EXOC6B: variants seen among roughly 807,000 people sequenced by gnomAD.
The protein encoded by EXOC6B is SEC15 homolog B.
Under a neutral mutation model 113.5 loss-of-function variants are expected in EXOC6B, and 54 were observed. The observed-to-expected ratio is 0.48, with a 90% CI of 0.38 to 0.60. The LOEUF (loss-of-function observed/expected upper bound fraction) is 0.60. Ranked by LOEUF, EXOC6B falls within the 20% of genes least tolerant of loss-of-function variation. The pLI, the probability that EXOC6B is intolerant of heterozygous loss-of-function variation, is 0.00. For synonymous variants in EXOC6B, 357 were observed against 339.0 expected, an observed-to-expected ratio of 1.05 and a Z score of -0.58; for missense variants, 797 against 977.5, an observed-to-expected ratio of 0.82 and a Z score of 2.46.
intron 19 of EXOC6B, chr2:72,335,233 T>C: frequency 3.7e-6 from 2 of 537,964 alleles, no homozygotes; most frequent in East Asian, 3.1e-5. Context: ...GCAAGGAAAC[T>C]GTACTAATTC....
chr2:72,493,837 T>G (rs1385534527), intron 15 of EXOC6B, among the ~76,000 whole-genome samples: 2 of 152,116 alleles, frequency 1.3e-5, no homozygotes, highest in Non-Finnish European at 2.9e-5. Flanking sequence ...GAATAATTAT[T>G]CTTAAAGCTG....
intron 19 of EXOC6B, among the ~76,000 whole-genome samples, chr2:72,355,360 AAAG>A (rs1407339846): frequency 1.7e-4 from 26 of 152,254 alleles, no homozygotes; most frequent in African/African-American, 5.5e-4. Flanking sequence ...TGATAAAATG[AAAG>A]AAGAAGGTAT....
rs1364608645 is a variant in EXOC6B, at chr2:72,486,866, T to TA, written c.1665+5451dup. ...GACTGTTATCTGTCCCATTAAAAAA[T>TA]AAAACAAAAAAAAAAACCTGTCTTA... On this transcript the variant is annotated intron_variant, in intron 16 of 21. Coordinates refer to ENST00000272427, the MANE Select transcript of EXOC6B (RefSeq NM_015189.3). 3.1e-4 allele frequency among the ~76,000 whole-genome samples: 45 copies of TA among 146,898 alleles called. No homozygotes were observed. In the Middle Eastern group the frequency reaches 0.01, roughly 34 times the overall value.
intron 1 of EXOC6B, among the ~76,000 whole-genome samples, chr2:72,785,395 A>G (rs1684314269): frequency 6.6e-6 from 1 of 152,188 alleles, no homozygotes; most frequent in Non-Finnish European, 1.5e-5. Context: ...GGGGGCTCCA[A>G]CCCCATATTT....
chr2:72,344,216 C>A (rs1689185584), intron 19 of EXOC6B, among the ~76,000 whole-genome samples: 1 of 152,072 alleles, frequency 6.6e-6, no homozygotes, highest in Non-Finnish European at 1.5e-5. Context: ...GCCTTTGAAT[C>A]CATTTAGTCC....
chr2:72,603,023 G>A (rs1465263578), intron 6 of EXOC6B, among the ~76,000 whole-genome samples: 2 of 151,836 alleles, frequency 1.3e-5, no homozygotes, highest in African/African-American at 4.8e-5. Flanking sequence ...GAAGAGGAGT[G>A]GGTGGGAGGG....
chr2:72,673,607 GATT>G (rs1676066932), intron 6 of EXOC6B, among the ~76,000 whole-genome samples: 1 of 151,976 alleles, frequency 6.6e-6, no homozygotes. Context: ...AAGAAAAGCA[GATT>G]ATTTAGCACA....
chr2:72,476,604 T>G (rs684673), intron 17 of EXOC6B, among the ~76,000 whole-genome samples: 20,613 of 152,164 alleles, frequency 0.14, 1,710 homozygotes, highest in African/African-American at 0.24. Context: ...TTGTTATTTC[T>G]TCCTTCTTTC....
At chr2:72,313,570 A>C (rs1687337474) in intron 20 of EXOC6B, among the ~76,000 whole-genome samples, 3 of 152,256 alleles carry the variant, frequency 2.0e-5, no homozygotes, top group Admixed American at 2.0e-4. Flanking sequence ...ATTCTGGAGA[A>C]AGAAAATAGG....
At chr2:72,515,393 T>C (rs1701158889) in intron 8 of EXOC6B, 1 of 1,196,604 alleles carries the variant, frequency 8.4e-7, no homozygotes, top group Non-Finnish European at 1.1e-6. Flanking sequence ...AGCTGGTTTC[T>C]GAATCAACTG....
At chr2:72,595,444 G>GA (rs1409423940) in intron 6 of EXOC6B, among the ~76,000 whole-genome samples, 8 of 150,010 alleles carry the variant, frequency 5.3e-5, no homozygotes, top group Non-Finnish European at 1.2e-4. Context: ...TGTAGTAAAA[G>GA]AAAAAACAAA....
chr2:72,479,626 C>A (rs935612387), intron 17 of EXOC6B, among the ~76,000 whole-genome samples: 2 of 152,074 alleles, frequency 1.3e-5, no homozygotes, highest in African/African-American at 2.4e-5. Context: ...TATGTTAGAT[C>A]CATATTTTTA....
chr2:72,452,394 G>A (rs1696972824), intron 18 of EXOC6B, among the ~76,000 whole-genome samples: 1 of 151,972 alleles, frequency 6.6e-6, no homozygotes, highest in Admixed American at 6.6e-5. Flanking sequence ...TTCATAATAG[G>A]GGAAAATATA....
At chr2:72,374,296 A>G (rs1420154126) in intron 19 of EXOC6B, among the ~76,000 whole-genome samples, 1 of 152,192 alleles carries the variant, frequency 6.6e-6, no homozygotes, top group Non-Finnish European at 1.5e-5. Flanking sequence ...TTGTCCATCA[A>G]CAGATATATG....
chr2:72,714,602 C>T (rs576077199), intron 6 of EXOC6B, among the ~76,000 whole-genome samples: 22 of 151,552 alleles, frequency 1.5e-4, no homozygotes, highest in Non-Finnish European at 2.2e-4. Context: ...AGATCTTAAA[C>T]AATATGAGAA....
chr2:72,520,193 G>A (rs1034403326), intron 8 of EXOC6B, among the ~76,000 whole-genome samples: 3 of 152,122 alleles, frequency 2.0e-5, no homozygotes, highest in African/African-American at 7.2e-5. Flanking sequence ...CTACAACAAT[G>A]CCAGACACAT....
chr2:72,602,794 G>A (rs969979375), intron 6 of EXOC6B, among the ~76,000 whole-genome samples: 19 of 152,088 alleles, frequency 1.2e-4, no homozygotes, highest in African/African-American at 4.3e-4. Context: ...TGTTGAGATC[G>A]AACATCAGCC....
intron 8 of EXOC6B, among the ~76,000 whole-genome samples, chr2:72,546,177 G>A (rs1702888777): frequency 6.6e-6 from 1 of 152,208 alleles, no homozygotes; most frequent in East Asian, 1.9e-4. Context: ...GGCCAGGCAT[G>A]GTGGCTCTCA....
chr2:72,310,846 A>G (rs986577814), intron 20 of EXOC6B, among the ~76,000 whole-genome samples: 3 of 133,422 alleles, frequency 2.2e-5, no homozygotes, highest in Non-Finnish European at 4.6e-5. Flanking sequence ...GTGTTATTTC[A>G]TTTAACACAC....
Sources: gnomAD v4.1 joint callset for allele counts (sites outside exome capture counted in the v4.1 genomes callset) on GRCh38, gnomAD v4.1.1 for gene constraint, MANE v1.5 for transcripts, NCBI Gene and HGNC (gene_info 2026-07-23, HGNC 2026-07-21) for gene names.